The following ZNF385D variants were observed in gnomAD, a reference collection of about 807,000 sequenced individuals.
The protein encoded by ZNF385D is zinc finger protein 659.
ZNF385D carries 15 observed loss-of-function variants against 35.8 expected under a neutral mutation model. The ratio of observed to expected loss-of-function variants is 0.42; its 90% CI spans 0.28 to 0.64. The LOEUF is 0.64. Among genes scored for constraint, ZNF385D ranks in the 30% least tolerant of loss-of-function variants. The probability of loss-of-function intolerance (pLI) is 0.23; values close to 1 mark genes in which losing one functional copy is unlikely to be tolerated. For missense variants in ZNF385D, 474 were observed against 494.6 expected (o/e 0.96, Z 0.39); for synonymous variants, 212 against 186.8 (o/e 1.13, Z -1.10).
chr3:22,088,067 G>A (rs577969077), intron 3 of ZNF385D, among the ~76,000 whole-genome samples: 1 of 152,132 alleles, frequency 6.6e-6, no homozygotes, highest in South Asian at 2.1e-4. Flanking sequence ...GGAGAGCTTT[G>A]TCTAAAACAA....
chr3:22,267,117 A>T (rs1197988831), intron 2 of ZNF385D, among the ~76,000 whole-genome samples: 1 of 151,968 alleles, frequency 6.6e-6, no homozygotes, highest in Admixed American at 6.6e-5. Context: ...TCATGAACTA[A>T]GCTAACTCAC....
At chr3:21,653,353 T>G (rs1262004761) in intron 2 of ZNF385D, among the ~76,000 whole-genome samples, 1 of 149,104 alleles carries the variant, frequency 6.7e-6, no homozygotes, top group African/African-American at 2.5e-5. Context: ...TTATATTGTT[T>G]CTTTTTTTGC....
intron 2 of ZNF385D, among the ~76,000 whole-genome samples, chr3:21,633,387 T>G (rs193174417): frequency 1.7e-4 from 26 of 152,086 alleles, no homozygotes; most frequent in Middle Eastern, 3.4e-3. Flanking sequence ...CTAATTATAG[T>G]AGCACCTATA....
intron 3 of ZNF385D, among the ~76,000 whole-genome samples, chr3:22,095,088 C>CTTTTT (rs10663641): frequency 7.4e-4 from 90 of 121,910 alleles, no homozygotes; most frequent in Non-Finnish European, 9.4e-4. Context: ...TTCATTCTTT[C>CTTTTT]TTTTTTTTTT....
rs529533733 is a variant in ZNF385D at position 21,634,364 on chromosome 3, GAA to G, written c.165+30520_165+30521del. Among the ~76,000 whole-genome samples the G allele has an allele frequency of 5.2e-3, 760 of 145,582 alleles. 4 individuals are homozygous for G. Among genetic ancestry groups the G allele is most frequent in the Non-Finnish European group, 7.8e-3 (501 of 64,622 alleles). On this transcript the variant is annotated intron_variant, in intron 2 of 7. Coordinates refer to ENST00000281523, the MANE Select transcript of ZNF385D (RefSeq NM_024697.3). ...AGAGGAAAGAAAGAAAAGAAAAAAA[GAA>G]AGGAAGGAAGGAAAGAAAGGAACGA...
intron 3 of ZNF385D, among the ~76,000 whole-genome samples, chr3:22,103,227 A>T (rs1050578700): frequency 4.9e-5 from 6 of 123,380 alleles, no homozygotes; most frequent in East Asian, 4.5e-4. Context: ...TTTTTTTTTT[A>T]AATACATGTC....
At chr3:21,591,587 T>G (rs1243266603) in intron 2 of ZNF385D, among the ~76,000 whole-genome samples, 2 of 152,164 alleles carry the variant, frequency 1.3e-5, no homozygotes, top group East Asian at 3.9e-4. Flanking sequence ...TCATAAGTAT[T>G]TGCTACATTG....
At chr3:22,351,158 A>T (rs1263335841) in intron 2 of ZNF385D, among the ~76,000 whole-genome samples, 2 of 152,094 alleles carry the variant, frequency 1.3e-5, no homozygotes, top group African/African-American at 4.8e-5. Flanking sequence ...TGATAAAATA[A>T]CCACTCAGGT....
At chr3:21,590,411 G>T (rs184261966) in intron 2 of ZNF385D, among the ~76,000 whole-genome samples, 21 of 152,242 alleles carry the variant, frequency 1.4e-4, no homozygotes, top group Non-Finnish European at 2.4e-4. Context: ...CGAGGTACAT[G>T]TAGTTTATAT....
intron 1 of ZNF385D, among the ~76,000 whole-genome samples, chr3:21,745,896 G>T (rs748302803): frequency 1.4e-4 from 22 of 152,270 alleles, no homozygotes; most frequent in Non-Finnish European, 3.1e-4. Flanking sequence ...AAACTTGAAA[G>T]CCAGCTGTGC....
intron 3 of ZNF385D, among the ~76,000 whole-genome samples, chr3:22,136,577 A>G (rs1160899043): frequency 1.3e-5 from 2 of 152,176 alleles, no homozygotes; most frequent in African/African-American, 4.8e-5. Flanking sequence ...GGAAAAATCC[A>G]ATTTACAAAC....
At chr3:22,035,334 C>A (rs2125491129) in intron 3 of ZNF385D, among the ~76,000 whole-genome samples, 1 of 152,242 alleles carries the variant, frequency 6.6e-6, no homozygotes, top group Middle Eastern at 3.4e-3. Flanking sequence ...GCCCATCTAG[C>A]AATATCTTCT....
At chr3:21,594,960 A>G (rs1033092039) in intron 2 of ZNF385D, among the ~76,000 whole-genome samples, 4 of 152,214 alleles carry the variant, frequency 2.6e-5, no homozygotes, top group African/African-American at 9.6e-5. Flanking sequence ...CGCATTTGCT[A>G]TCACAGGTAA....
At chr3:21,436,852 C>CA (rs1328802706) in intron 5 of ZNF385D, 118 bp downstream of exon 5, 2 of 926,000 alleles carry the variant, frequency 2.2e-6, no homozygotes. Flanking sequence ...TAATGATTTC[C>CA]ATGTAATAAT....
At chr3:22,212,658 G>T (rs1488998177) in intron 2 of ZNF385D, among the ~76,000 whole-genome samples, 2 of 151,932 alleles carry the variant, frequency 1.3e-5, no homozygotes, top group Non-Finnish European at 2.9e-5. Context: ...ATATAAAGAT[G>T]ATTTAGGTGG....
intron 2 of ZNF385D, among the ~76,000 whole-genome samples, chr3:21,602,805 T>C (rs1253364683): frequency 6.6e-6 from 1 of 150,984 alleles, no homozygotes; most frequent in African/African-American, 2.4e-5. Flanking sequence ...AGTGCTGGGA[T>C]TACAGGCGTG....
At chr3:22,009,416 G>C (rs1330230283) in intron 3 of ZNF385D, among the ~76,000 whole-genome samples, 1 of 152,056 alleles carries the variant, frequency 6.6e-6, no homozygotes, top group Non-Finnish European at 1.5e-5. Flanking sequence ...GAGGCGAGGA[G>C]ATCGAGACCA....
chr3:22,007,958 C>G (rs891475019), intron 3 of ZNF385D, among the ~76,000 whole-genome samples: 5 of 151,814 alleles, frequency 3.3e-5, no homozygotes, highest in African/African-American at 1.2e-4. Context: ...CTTTCTCATA[C>G]CTATGTACAA....
chr3:21,785,816 T>C (rs1397399276), intron 3 of ZNF385D, among the ~76,000 whole-genome samples: 1 of 152,200 alleles, frequency 6.6e-6, no homozygotes, highest in Non-Finnish European at 1.5e-5. Flanking sequence ...TCATGACCCA[T>C]GGAGAAATAT....
Sources: allele counts gnomAD v4.1 joint callset (sites outside exome capture counted in the v4.1 genomes callset), GRCh38; gene constraint gnomAD v4.1.1; transcripts MANE v1.5; gene names NCBI Gene and HGNC (gene_info 2026-07-23, HGNC 2026-07-21).